The following NAV1 variants were observed in gnomAD, a reference collection of about 807,000 sequenced individuals.
The protein encoded by NAV1 is pore membrane and/or filament interacting like protein 3.
NAV1 carries 18 observed loss-of-function variants against 175.2 expected under a neutral mutation model. The observed-to-expected ratio is 0.10, with a 90% CI of 0.07 to 0.15. The LOEUF (loss-of-function observed/expected upper bound fraction) is 0.15, where lower values mean the gene tolerates loss of function less well. Ranked by LOEUF, NAV1 falls within the 10% of genes least tolerant of loss-of-function variation. NAV1 has a pLI of 1.00. For missense variants in NAV1, 1,731 were observed against 2,436.6 expected, an observed-to-expected ratio of 0.71 and a Z score of 6.10; for synonymous variants, 897 against 978.7, an observed-to-expected ratio of 0.92 and a Z score of 1.56.
At chr1:201,628,347 C>A (rs1211840721) in intron 1 of NAV1, among the ~76,000 whole-genome samples, 2 of 152,106 alleles carry the variant, frequency 1.3e-5, no homozygotes, top group Non-Finnish European at 2.9e-5. Context: ...GCAGCAAACA[C>A]CTCACAACCC....
intron 1 of NAV1, among the ~76,000 whole-genome samples, chr1:201,661,648 A>G (rs1669618375): frequency 6.6e-6 from 1 of 152,016 alleles, no homozygotes; most frequent in Non-Finnish European, 1.5e-5. Flanking sequence ...GATCTGGGAG[A>G]CTGGATGAGA....
intron 1 of NAV1, among the ~76,000 whole-genome samples, chr1:201,580,176 T>C (rs1315011394): frequency 6.6e-6 from 1 of 152,200 alleles, no homozygotes; most frequent in South Asian, 2.1e-4. Context: ...GCAGATTAGA[T>C]GGTGGCTGCC....
chr1:201,754,418 G>A (rs1186652391), intron 3 of NAV1, among the ~76,000 whole-genome samples: 1 of 152,204 alleles, frequency 6.6e-6, no homozygotes, highest in Non-Finnish European at 1.5e-5. Context: ...AGGAGTGACT[G>A]ACAGTGTTAA....
upstream of NAV1, among the ~76,000 whole-genome samples, chr1:201,621,132 C>A (rs1439100393): frequency 1.3e-5 from 2 of 151,926 alleles, no homozygotes; most frequent in Non-Finnish European, 2.9e-5. Context: ...GTTGCCCAGG[C>A]TGGTGTCAAA....
intron 15 of NAV1, 28 bp downstream of exon 19, chr1:201,794,605 G>A (rs752850271): frequency 2.4e-5 from 38 of 1,572,182 alleles, no homozygotes; most frequent in Non-Finnish European, 3.1e-5. Context: ...AGATTGAGAG[G>A]GAACAGGGAG....
rs1321261173 is a variant in NAV1 at position 201,539,526 on chromosome 1, A to T, written c.-144+184A>T. On this transcript the variant is annotated intron_variant, in intron 1 of 33. Coordinates refer to the NAV1 transcript ENST00000685211. The surrounding 1 kb of genome is among the most constrained non-coding windows in gnomAD (Gnocchi z 5.6). ...GGCGCTGGAATAAATAACAACCAAG[A>T]TGCTCGCGGCTTCCCGGGAAGGTGT... is the stretch of plus-strand genomic sequence containing the variant. Among the ~76,000 whole-genome samples, 2 of 151,666 alleles carry T rather than the reference A, an allele frequency of 1.3e-5. No individual in the cohort carries two copies. Among genetic ancestry groups the T allele is most frequent in the Non-Finnish European group, 2.9e-5 (2 of 67,890 alleles).
chr1:201,684,015 A>AT (rs1237648624), intron 1 of NAV1, among the ~76,000 whole-genome samples: 151 of 151,968 alleles, frequency 9.9e-4, no homozygotes, highest in African/African-American at 3.5e-3. Context: ...CCAGTTCTAC[A>AT]TTTTTTATTT....
At chr1:201,746,116 C>T (rs1673754106) in intron 3 of NAV1, among the ~76,000 whole-genome samples, 2 of 152,188 alleles carry the variant, frequency 1.3e-5, no homozygotes, top group African/African-American at 2.4e-5. Flanking sequence ...GTGTGAGCCA[C>T]CATGCCTAGT....
chr1:201,770,428 C>T lies in NAV1; in HGVS notation c.1227-9993C>T, dbSNP rs115286682. The stretch of plus-strand genomic sequence containing the variant: ...CCCTAGATGAAGGGCTTTATTTATT[C>T]TAAGAGCACTCAAGGGGCTAATTTA... On this transcript the variant is annotated intron_variant, in intron 3 of 29. Transcript: ENST00000367296. Among the ~76,000 whole-genome samples the T allele has an allele frequency of 8.8e-3, 1,333 of 152,272 alleles. 13 individuals are homozygous for T. The highest frequency in any genetic ancestry group is 0.03 in the African/African-American group (1,267 of 41,550).
intron 3 of NAV1, among the ~76,000 whole-genome samples, chr1:201,757,290 C>T (rs1184377891): frequency 6.6e-6 from 1 of 152,048 alleles, no homozygotes; most frequent in Non-Finnish European, 1.5e-5. Context: ...CTGTCTTGCT[C>T]TGTTGCCCAG....
intron 2 of NAV1, among the ~76,000 whole-genome samples, chr1:201,630,398 G>T (rs1368733467): frequency 6.6e-6 from 1 of 152,158 alleles, no homozygotes; most frequent in African/African-American, 2.4e-5. Flanking sequence ...GCTTTGTCTT[G>T]GTGCCCTGCT....
At chr1:201,548,535 T>TG (rs1349662795) in intron 1 of NAV1, among the ~76,000 whole-genome samples, 1 of 152,150 alleles carries the variant, frequency 6.6e-6, no homozygotes, top group African/African-American at 2.4e-5. Flanking sequence ...CACTCCAGCC[T>TG]GGGTGACAGA....
chr1:201,778,654 G>A (rs1325941449), intron 3 of NAV1, among the ~76,000 whole-genome samples: 1 of 152,172 alleles, frequency 6.6e-6, no homozygotes, highest in Non-Finnish European at 1.5e-5. Flanking sequence ...GAACTCTGTA[G>A]TGTGTTCTAA....
At chr1:201,708,693 C>T (rs1258923396) in intron 1 of NAV1, among the ~76,000 whole-genome samples, 2 of 152,104 alleles carry the variant, frequency 1.3e-5, no homozygotes, top group African/African-American at 4.8e-5. Context: ...AGCACGTCCT[C>T]CACTTAGGGG....
intron 20 of NAV1, 139 bp from the exon 25 acceptor site, chr1:201,809,025 A>G: frequency 7.8e-7 from 1 of 1,277,648 alleles, no homozygotes; most frequent in East Asian, 2.3e-5. Context: ...TGGTCCTTCA[A>G]CCTTAACTAC....
At chr1:201,636,175 A>G (rs1283431327) in intron 2 of NAV1, among the ~76,000 whole-genome samples, 1 of 152,228 alleles carries the variant, frequency 6.6e-6, no homozygotes, top group Non-Finnish European at 1.5e-5. Context: ...CAGGGCAGAC[A>G]GAGAGCCTGC....
chr1:201,618,608 C>T (rs530902182), upstream of NAV1, among the ~76,000 whole-genome samples: 4 of 152,092 alleles, frequency 2.6e-5, no homozygotes, highest in South Asian at 2.1e-4. Context: ...ATGCTCTCGG[C>T]GGGTGTGGCC....
chr1:201,573,979 C>T (rs1292206271), intron 1 of NAV1, among the ~76,000 whole-genome samples: 1 of 151,972 alleles, frequency 6.6e-6, no homozygotes, highest in Non-Finnish European at 1.5e-5. Flanking sequence ...TCGCTTGAGC[C>T]CACGAGTTTG....
At chr1:201,630,810 G>A (rs995739486) in intron 2 of NAV1, among the ~76,000 whole-genome samples, 2 of 152,208 alleles carry the variant, frequency 1.3e-5, no homozygotes, top group African/African-American at 4.8e-5. Context: ...AGGAAACTAT[G>A]TGGAGCTCTA....
Sources: gnomAD v4.1 joint callset for allele counts (sites outside exome capture counted in the v4.1 genomes callset) on GRCh38, gnomAD v4.1.1 for gene constraint, Gnocchi (gnomAD v3.1) non-coding constraint, MANE v1.5 for transcripts, NCBI Gene and HGNC (gene_info 2026-07-23, HGNC 2026-07-21) for gene names.